Variants in PTPRD observed in about 807,000 individuals in gnomAD.
The protein encoded by PTPRD is protein tyrosine phosphatase receptor type D.
In PTPRD, 34 loss-of-function variants were observed where a neutral mutation model predicts 214.5. The observed-to-expected ratio is 0.16, with a 90% CI of 0.12 to 0.21. PTPRD has a LOEUF of 0.21. Among genes scored for constraint, PTPRD ranks in the 10% least tolerant of loss-of-function variants. PTPRD has a pLI of 1.00. For synonymous variants in PTPRD, 1,128 were observed against 845.7 expected (o/e 1.33, Z -5.79); for missense variants, 2,545 against 2,398.7 (o/e 1.06, Z -1.27).
intron 5 of PTPRD, among the ~76,000 whole-genome samples, chr9:9,833,198 G>C (rs1028692027): frequency 1.3e-5 from 2 of 151,964 alleles, no homozygotes; most frequent in Admixed American, 6.6e-5. Flanking sequence ...TAATCACATA[G>C]GTTTTCTATT....
In PTPRD at chr9:10,128,888, T is replaced by C. The variant is rs187916510; in HGVS notation, c.-544-95098A>G. ...AATTAATTAAAAATAAAAGCCAGAC[T>C]CTTAATATAGTCTTATATATTTAAA... On this transcript the variant is annotated intron_variant, in intron 3 of 45. Transcript: ENST00000381196. Among the ~76,000 whole-genome samples the C allele has an allele frequency of 4.9e-3, 753 of 152,238 alleles. 8 individuals carry two copies. The highest frequency in any genetic ancestry group is 0.017 in the African/African-American group (711 of 41,546).
At chr9:9,852,170 A>T (rs192018507) in intron 5 of PTPRD, among the ~76,000 whole-genome samples, 1,804 of 152,208 alleles carry the variant, frequency 0.012, 18 homozygotes, top group South Asian at 0.036. Context: ...TAAAAAAAAA[A>T]TTTGTTTTTG....
At chr9:9,187,451 T>C (rs10977554) in intron 9 of PTPRD, among the ~76,000 whole-genome samples, 58,162 of 151,866 alleles carry the variant, frequency 0.38, 11,507 homozygotes, top group Admixed American at 0.52. Context: ...TATGAAATTG[T>C]CAAGTCCCTT....
chr9:9,393,262 T>C (rs2066528261), intron 9 of PTPRD, among the ~76,000 whole-genome samples: 1 of 152,162 alleles, frequency 6.6e-6, no homozygotes, highest in South Asian at 2.1e-4. Flanking sequence ...TCATTAACTC[T>C]GGGTTTGTTC....
At chr9:10,061,937 A>C (rs1290037452) in intron 3 of PTPRD, among the ~76,000 whole-genome samples, 1 of 152,008 alleles carries the variant, frequency 6.6e-6, no homozygotes, top group Non-Finnish European at 1.5e-5. Flanking sequence ...ACCCACAAAT[A>C]CTGAATCGGA....
chr9:8,907,517 C>CAAAAAAA (rs60277757), intron 11 of PTPRD, among the ~76,000 whole-genome samples: 1 of 79,676 alleles, frequency 1.3e-5, no homozygotes, highest in Non-Finnish European at 2.5e-5. Context: ...GACTCCGTCT[C>CAAAAAAA]AAAAAAAAAA....
rs1484252521 is a variant in PTPRD, at chr9:9,238,454, C to G, written c.-202-55091G>C. 3.3e-5 allele frequency among the ~76,000 whole-genome samples: 5 copies of G among 152,218 alleles called. No homozygotes were observed. In the East Asian group the frequency reaches 7.8e-4, roughly 24 times the overall value. On this transcript the variant is annotated intron_variant, in intron 9 of 45. Transcript: ENST00000381196. ...AGGTGTCTGGGTTTTAACCCTTTGT[C>G]TCTTTTTCTTGTGTACTTAAGTGAG...
At chr9:9,298,096 G>A (rs562464983) in intron 9 of PTPRD, among the ~76,000 whole-genome samples, 2 of 151,722 alleles carry the variant, frequency 1.3e-5, no homozygotes, top group South Asian at 4.1e-4. Flanking sequence ...TTTAATCTTG[G>A]GAAACTGGGA....
At chr9:8,555,582 G>T (rs2083474057) in intron 14 of PTPRD, among the ~76,000 whole-genome samples, 1 of 152,152 alleles carries the variant, frequency 6.6e-6, no homozygotes. Context: ...TCTTTAAATG[G>T]CAGCAGTATC....
At chr9:9,296,519 C>G (rs988410095) in intron 9 of PTPRD, among the ~76,000 whole-genome samples, 9 of 151,840 alleles carry the variant, frequency 5.9e-5, no homozygotes, top group East Asian at 5.8e-4. Context: ...AAACTATGAT[C>G]ATTTATTCCT....
intron 9 of PTPRD, among the ~76,000 whole-genome samples, chr9:9,297,301 A>G (rs920714069): frequency 6.6e-6 from 1 of 151,732 alleles, no homozygotes; most frequent in Admixed American, 6.6e-5. Flanking sequence ...TTTATAGGCC[A>G]GAAAATACAG....
At chr9:8,734,243 G>C (rs2098692804) in intron 11 of PTPRD, among the ~76,000 whole-genome samples, 1 of 152,084 alleles carries the variant, frequency 6.6e-6, no homozygotes, top group Non-Finnish European at 1.5e-5. Flanking sequence ...GCCACCTTTT[G>C]GGCAAAGACC....
intron 3 of PTPRD, among the ~76,000 whole-genome samples, chr9:10,286,177 G>C (rs1311764224): frequency 6.6e-6 from 1 of 152,120 alleles, no homozygotes; most frequent in East Asian, 1.9e-4. Context: ...AAGGAAATCA[G>C]TAACTAGCTA....
intron 14 of PTPRD, among the ~76,000 whole-genome samples, chr9:8,608,093 C>G (rs1367414341): frequency 6.6e-6 from 1 of 151,316 alleles, no homozygotes; most frequent in Non-Finnish European, 1.5e-5. Flanking sequence ...CCGCATATAG[C>G]TGAGAATAGG....
At position 8,317,721 on chromosome 9, in the gene PTPRD, ATT is replaced by A; in HGVS notation, c.*151_*152del. ...GTGAATTCTTGGTCCACCTGGAATAATTTGTTTTTAATTTGTTTTGTGTGTAA... is the reference window on the plus strand; with the variant it reads ...GTGAATTCTTGGTCCACCTGGAATAATGTTTTTAATTTGTTTTGTGTGTAA... On this transcript the variant is annotated 3_prime_UTR_variant, in exon 46 of 46. Transcript: ENST00000381196. 1.7e-6 allele frequency: 1 copy of A among 580,376 alleles called. No homozygotes were observed. Among genetic ancestry groups the A allele is most frequent in the Non-Finnish European group, 3.1e-6 (1 of 320,912 alleles). 36.0% of individuals were successfully genotyped at this position (580,376 alleles called of 1,614,324 possible).
intron 16 of PTPRD, among the ~76,000 whole-genome samples, chr9:8,526,909 G>T (rs2074298426): frequency 6.6e-6 from 1 of 151,842 alleles, no homozygotes; most frequent in Non-Finnish European, 1.5e-5. Context: ...GAGTTTTCAG[G>T]TCTGGGGTCA....
intron 11 of PTPRD, among the ~76,000 whole-genome samples, chr9:8,752,650 G>A (rs7856996): frequency 0.058 from 8,752 of 152,136 alleles, 645 homozygotes; most frequent in African/African-American, 0.17. Context: ...CCACACAAAC[G>A]AGCCCAGACT....
intron 34 of PTPRD, among the ~76,000 whole-genome samples, chr9:8,444,693 G>A (rs972733129): frequency 8.5e-5 from 13 of 152,066 alleles, no homozygotes; most frequent in African/African-American, 3.1e-4. Context: ...CAATCTATAT[G>A]CAATGATTGT....
chr9:9,672,111 G>A (rs2096843175), intron 7 of PTPRD, among the ~76,000 whole-genome samples: 1 of 152,132 alleles, frequency 6.6e-6, no homozygotes, highest in South Asian at 2.1e-4. Flanking sequence ...TAGGGGCAAT[G>A]CATTTATTAA....
Sources: gnomAD v4.1 joint callset for allele counts (sites outside exome capture counted in the v4.1 genomes callset) on GRCh38, gnomAD v4.1.1 for gene constraint, MANE v1.5 for transcripts, NCBI Gene and HGNC (gene_info 2026-07-23, HGNC 2026-07-21) for gene names.